SH3RF3: variants seen among roughly 807,000 people sequenced by gnomAD.
SH3RF3 encodes the protein SH3 domain containing ring finger 3.
Under a neutral mutation model 66.3 loss-of-function variants are expected in SH3RF3, and 29 were observed. The ratio of observed to expected loss-of-function variants is 0.44; its 90% confidence interval spans 0.33 to 0.60. The LOEUF (loss-of-function observed/expected upper bound fraction) is 0.60. SH3RF3 is among the 20% of genes least tolerant of loss of function. The pLI, the probability that SH3RF3 is intolerant of heterozygous loss-of-function variation, is 0.04. For synonymous variants in SH3RF3, 583 were observed against 532.0 expected, an observed-to-expected ratio of 1.10 and a Z score of -1.32; for missense variants, 1,194 against 1,190.9, an observed-to-expected ratio of 1.00 and a Z score of -0.04.
chr2:109,335,868 A>G (rs556487684), intron 1 of SH3RF3, among the ~76,000 whole-genome samples: 2 of 152,348 alleles, frequency 1.3e-5, no homozygotes, highest in South Asian at 4.2e-4. Flanking sequence ...TGCTTAGAAA[A>G]CTTGAAAGCA....
chr2:109,239,549 G>C (rs1027811522), intron 1 of SH3RF3, among the ~76,000 whole-genome samples: 1 of 152,224 alleles, frequency 6.6e-6, no homozygotes, highest in Non-Finnish European at 1.5e-5. Flanking sequence ...TCCGATGAGG[G>C]ACACGGGGTT....
intron 8 of SH3RF3, among the ~76,000 whole-genome samples, chr2:109,467,907 C>T (rs980225065): frequency 7.2e-5 from 11 of 152,198 alleles, no homozygotes; most frequent in African/African-American, 2.7e-4. Flanking sequence ...CCAGCTGCAC[C>T]AACACCCCAG....
intron 8 of SH3RF3, among the ~76,000 whole-genome samples, chr2:109,467,261 GCA>G (rs1307695066): frequency 6.6e-6 from 1 of 152,258 alleles, no homozygotes; most frequent in African/African-American, 2.4e-5. Flanking sequence ...ATGAATGCAT[GCA>G]CAGACAGTGG....
intron 1 of SH3RF3, among the ~76,000 whole-genome samples, chr2:109,311,849 T>C (rs1220302984): frequency 7.4e-6 from 1 of 134,634 alleles, no homozygotes; most frequent in African/African-American, 3.4e-5. Context: ...TTTATTGTTA[T>C]TTTTTTAATT....
chr2:109,196,117 A>T (rs1429589095), intron 1 of SH3RF3, among the ~76,000 whole-genome samples: 1 of 152,152 alleles, frequency 6.6e-6, no homozygotes, highest in African/African-American at 2.4e-5. Context: ...GGGACGAGGG[A>T]CAGAAGCCGG....
At chr2:109,382,224 G>A (rs1675708642) in intron 3 of SH3RF3, among the ~76,000 whole-genome samples, 1 of 152,154 alleles carries the variant, frequency 6.6e-6, no homozygotes, top group East Asian at 1.9e-4. Flanking sequence ...TACCATGCCA[G>A]CACATAGGTA....
intron 8 of SH3RF3, among the ~76,000 whole-genome samples, chr2:109,481,034 C>G (rs1459862137): frequency 6.6e-6 from 1 of 152,150 alleles, no homozygotes; most frequent in Non-Finnish European, 1.5e-5. Context: ...AAGAGGACAC[C>G]GATAGGGAAA....
intron 2 of SH3RF3, among the ~76,000 whole-genome samples, chr2:109,369,227 A>G (rs1683213067): frequency 1.3e-5 from 2 of 151,520 alleles, no homozygotes; most frequent in Non-Finnish European, 2.9e-5. Flanking sequence ...GAGCACCTGT[A>G]GTCCCAGCTA....
intron 1 of SH3RF3, among the ~76,000 whole-genome samples, chr2:109,162,635 A>G (rs1325582899): frequency 1.3e-5 from 2 of 152,194 alleles, no homozygotes; most frequent in East Asian, 3.9e-4. Flanking sequence ...ATTGTTGGAC[A>G]TTTGGGTTGG....
chr2:109,446,328 C>T (rs1405265478), intron 7 of SH3RF3, among the ~76,000 whole-genome samples: 1 of 152,244 alleles, frequency 6.6e-6, no homozygotes, highest in Non-Finnish European at 1.5e-5. Context: ...GCACCTTCTA[C>T]ATGCCAGGGA....
At chr2:109,409,929 A>T (rs1676542834) in intron 4 of SH3RF3, among the ~76,000 whole-genome samples, 1 of 152,146 alleles carries the variant, frequency 6.6e-6, no homozygotes, top group South Asian at 2.1e-4. Flanking sequence ...CTGGACTTAC[A>T]TTAAACATTT....
chr2:109,298,204 A>T (rs2105386570), intron 1 of SH3RF3, among the ~76,000 whole-genome samples: 1 of 152,236 alleles, frequency 6.6e-6, no homozygotes, highest in South Asian at 2.1e-4. Flanking sequence ...CACCAAATAG[A>T]TGCAGAGAAG....
At chr2:109,460,790 A>G (rs1200373318) in intron 8 of SH3RF3, among the ~76,000 whole-genome samples, 1 of 152,234 alleles carries the variant, frequency 6.6e-6, no homozygotes, top group East Asian at 1.9e-4. Flanking sequence ...CCTATGAATC[A>G]TTAAACAATC....
intron 8 of SH3RF3, among the ~76,000 whole-genome samples, chr2:109,481,860 A>T (rs545099694): frequency 6.6e-6 from 1 of 152,194 alleles, no homozygotes; most frequent in East Asian, 1.9e-4. Flanking sequence ...CACAAGGTTG[A>T]TGAGCAATTG....
intron 1 of SH3RF3, among the ~76,000 whole-genome samples, chr2:109,202,450 C>G (rs567210761): frequency 7.2e-5 from 11 of 152,348 alleles, no homozygotes; most frequent in African/African-American, 2.6e-4. Flanking sequence ...AGTACAATTA[C>G]AATTACACAG....
At chr2:109,469,279 T>G (rs141505022) in intron 8 of SH3RF3, among the ~76,000 whole-genome samples, 1 of 152,348 alleles carries the variant, frequency 6.6e-6, no homozygotes, top group East Asian at 1.9e-4. Context: ...CTAACAGCCC[T>G]AAAGACACCA....
At chr2:109,208,553 C>G (rs2105097275) in intron 1 of SH3RF3, among the ~76,000 whole-genome samples, 1 of 152,332 alleles carries the variant, frequency 6.6e-6, no homozygotes, top group African/African-American at 2.4e-5. Flanking sequence ...CCAGCACCAA[C>G]CGACCCACCT....
rs539375474 is a variant in SH3RF3 at position 109,503,658 on chromosome 2, G to C, written c.*1987G>C. On this transcript the variant is annotated 3_prime_UTR_variant, in exon 10 of 10. Transcript: ENST00000309415. ...CACGTTGTCACCAAAGAGGTGCACA[G>C]ATCAACAACCTGGATGACGCAGGTG... The C allele has an allele frequency of 3.7e-4, 57 of 152,344 alleles. No homozygotes were observed. Among genetic ancestry groups the C allele is most frequent in the African/African-American group, 1.3e-3 (55 of 41,572 alleles). The allele number at this position is 152,344 out of a possible 1,614,324, so 9.4% of individuals were successfully genotyped here.
At chr2:109,178,157 T>C (rs1054437532) in intron 1 of SH3RF3, among the ~76,000 whole-genome samples, 2 of 152,176 alleles carry the variant, frequency 1.3e-5, no homozygotes, top group Admixed American at 6.5e-5. Flanking sequence ...TTTCTTAGGG[T>C]AAGGAAAAAA....
Sources: allele counts gnomAD v4.1 joint callset (sites outside exome capture counted in the v4.1 genomes callset), GRCh38; gene constraint gnomAD v4.1.1; transcripts MANE v1.5; gene names NCBI Gene and HGNC (gene_info 2026-07-23, HGNC 2026-07-21).